PSD3: variants seen among roughly 807,000 people sequenced by gnomAD.
PSD3 encodes the protein pleckstrin and Sec7 domain containing 3.
In PSD3, 49 loss-of-function variants were observed where a neutral mutation model predicts 105.5. That is an observed-to-expected ratio of 0.46 (90% confidence interval 0.37 to 0.59). PSD3 has a LOEUF of 0.59. Among genes scored for constraint, PSD3 ranks in the 20% least tolerant of loss-of-function variants. PSD3 has a pLI of 0.00. For synonymous variants in PSD3, 557 were observed against 457.8 expected (o/e 1.22, Z -2.77); for missense variants, 1,561 against 1,263.8 (o/e 1.24, Z -3.57).
intron 2 of PSD3, among the ~76,000 whole-genome samples, chr8:18,926,893 C>A (rs535673634): frequency 1.3e-5 from 2 of 151,954 alleles, no homozygotes; most frequent in African/African-American, 2.4e-5. Context: ...CCTAACCCCA[C>A]CTCACCCCTG....
chr8:19,025,066 C>T (rs1827499513), intron 1 of PSD3, among the ~76,000 whole-genome samples: 1 of 152,082 alleles, frequency 6.6e-6, no homozygotes. Context: ...GTTGAAAGAG[C>T]TGCATATACT....
intron 9 of PSD3, among the ~76,000 whole-genome samples, chr8:18,720,501 A>C (rs915276498): frequency 1.3e-5 from 2 of 152,208 alleles, no homozygotes; most frequent in African/African-American, 4.8e-5. Context: ...GACTACCTGG[A>C]ATTATATGTG....
chr8:18,752,960 C>A (rs543860480), intron 9 of PSD3, among the ~76,000 whole-genome samples: 1 of 151,920 alleles, frequency 6.6e-6, no homozygotes, highest in East Asian at 2.0e-4. Flanking sequence ...CAGGAATTCA[C>A]TTCCCTCTGT....
intron 8 of PSD3, among the ~76,000 whole-genome samples, chr8:18,775,095 A>C (rs1807920135): frequency 6.6e-6 from 1 of 152,108 alleles, no homozygotes; most frequent in Non-Finnish European, 1.5e-5. Context: ...CCCAAGTTTG[A>C]GAAAGAACAT....
chr8:18,750,800 A>G (rs994537689), intron 9 of PSD3, among the ~76,000 whole-genome samples: 7 of 152,272 alleles, frequency 4.6e-5, no homozygotes, highest in African/African-American at 1.4e-4. Context: ...CCACCAGAGC[A>G]GCTAGACACA....
intron 10 of PSD3, among the ~76,000 whole-genome samples, chr8:18,634,438 C>G (rs1007321844): frequency 6.6e-6 from 1 of 152,048 alleles, no homozygotes; most frequent in Non-Finnish European, 1.5e-5. Flanking sequence ...TAATAACTAT[C>G]GTAAAAAATT....
chr8:18,873,127 T>C (rs1445965343), intron 2 of PSD3, among the ~76,000 whole-genome samples: 2 of 152,182 alleles, frequency 1.3e-5, no homozygotes, highest in African/African-American at 2.4e-5. Context: ...GGCTTAACAC[T>C]AAAGAGCCCT....
intron 12 of PSD3, among the ~76,000 whole-genome samples, chr8:18,576,198 G>A (rs1175645452): frequency 6.6e-6 from 1 of 151,966 alleles, no homozygotes; most frequent in Non-Finnish European, 1.5e-5. Flanking sequence ...ATGTACTATT[G>A]CCATCAATTC....
At chr8:19,029,624 A>T (rs1827686992) in intron 1 of PSD3, among the ~76,000 whole-genome samples, 1 of 152,134 alleles carries the variant, frequency 6.6e-6, no homozygotes, top group Admixed American at 6.6e-5. Context: ...GAACAGCATG[A>T]GGGTGAACAT....
intron 1 of PSD3, among the ~76,000 whole-genome samples, chr8:19,036,329 T>C (rs1189537109): frequency 6.6e-6 from 1 of 152,134 alleles, no homozygotes; most frequent in African/African-American, 2.4e-5. Flanking sequence ...TGCAGTTCCA[T>C]GCCCAGTCCC....
intron 1 of PSD3, among the ~76,000 whole-genome samples, chr8:18,990,454 C>T (rs902342636): frequency 2.6e-5 from 4 of 152,200 alleles, no homozygotes; most frequent in Non-Finnish European, 4.4e-5. Context: ...TTCCTCTGTA[C>T]GGCATATGCT....
At chr8:18,957,578 C>A (rs931778103) in intron 1 of PSD3, among the ~76,000 whole-genome samples, 1 of 152,154 alleles carries the variant, frequency 6.6e-6, no homozygotes, top group African/African-American at 2.4e-5. Context: ...GCATTTGCTA[C>A]AATTCTTTCA....
intron 2 of PSD3, among the ~76,000 whole-genome samples, chr8:18,891,211 G>C (rs1334484607): frequency 6.6e-6 from 1 of 151,940 alleles, no homozygotes; most frequent in Admixed American, 6.6e-5. Context: ...AATTCCAATG[G>C]GGCAAAAAGT....
intron 11 of PSD3, among the ~76,000 whole-genome samples, chr8:18,628,795 A>G (rs1441466310): frequency 6.6e-6 from 1 of 150,586 alleles, no homozygotes; most frequent in Non-Finnish European, 1.5e-5. Context: ...CTTGCAGCAA[A>G]CACTAAAATA....
chr8:18,976,026 A>C (rs1824927410), intron 1 of PSD3, among the ~76,000 whole-genome samples: 1 of 152,196 alleles, frequency 6.6e-6, no homozygotes, highest in South Asian at 2.1e-4. Flanking sequence ...TTCCAGAGAA[A>C]ATAATAAATG....
intron 9 of PSD3, among the ~76,000 whole-genome samples, chr8:18,710,013 T>C (rs889009441): frequency 1.3e-5 from 2 of 152,112 alleles, no homozygotes; most frequent in African/African-American, 4.8e-5. Flanking sequence ...GTGATAGAAG[T>C]AAGCTTCACA....
intron 9 of PSD3, among the ~76,000 whole-genome samples, chr8:18,753,122 C>G (rs568402311): frequency 6.6e-6 from 1 of 151,946 alleles, no homozygotes; most frequent in Non-Finnish European, 1.5e-5. Flanking sequence ...TCTGGGAAGC[C>G]GAGGCAGGTG....
At chr8:18,824,462 C>CAGA (rs1226086905) in intron 4 of PSD3, among the ~76,000 whole-genome samples, 1 of 152,166 alleles carries the variant, frequency 6.6e-6, no homozygotes, top group Non-Finnish European at 1.5e-5. Context: ...TACTAAGGAT[C>CAGA]AGAACACCTG....
chr8:18,692,671 T>G (rs1007899753), intron 9 of PSD3, among the ~76,000 whole-genome samples: 1 of 152,006 alleles, frequency 6.6e-6, no homozygotes, highest in Non-Finnish European at 1.5e-5. Flanking sequence ...ATTGGAATTT[T>G]GAGGGGATTA....
Sources: allele counts gnomAD v4.1 joint callset (sites outside exome capture counted in the v4.1 genomes callset), GRCh38; gene constraint gnomAD v4.1.1; transcripts MANE v1.5; gene names NCBI Gene and HGNC (gene_info 2026-07-23, HGNC 2026-07-21).